The following DMTN variants were observed in gnomAD, a reference collection of about 807,000 sequenced individuals.
DMTN encodes the protein dematin actin binding protein.
Under a neutral mutation model 59.4 loss-of-function variants are expected in DMTN, and 27 were observed. The observed-to-expected ratio is 0.45, with a 90% CI of 0.33 to 0.63. The LOEUF (loss-of-function observed/expected upper bound fraction) is 0.63. Ranked by LOEUF, DMTN falls within the 20% of genes least tolerant of loss-of-function variation. DMTN has a pLI of 0.02. For missense variants in DMTN, 451 were observed against 528.9 expected, an observed-to-expected ratio of 0.85 and a Z score of 1.45; for synonymous variants, 221 against 203.7, an observed-to-expected ratio of 1.08 and a Z score of -0.72.
chr8:22,049,913 A>C (rs1801170236), upstream of DMTN, among the ~76,000 whole-genome samples: 1 of 152,144 alleles, frequency 6.6e-6, no homozygotes, highest in Non-Finnish European at 1.5e-5. Context: ...CGTCCAGTGA[A>C]AATGGGAGGT....
intron 3 of DMTN, 126 bp from the exon 4 acceptor site, chr8:22,067,401 A>G (rs1811639058): frequency 7.2e-7 from 1 of 1,384,086 alleles, no homozygotes; most frequent in Non-Finnish European, 9.8e-7. Flanking sequence ...TTCTTAAAAT[A>G]ATAGAATTGT....
At chr8:22,050,604 T>G (rs1371908721), upstream of DMTN, among the ~76,000 whole-genome samples, 3 of 151,914 alleles carry the variant, frequency 2.0e-5, no homozygotes, top group Non-Finnish European at 4.4e-5. Context: ...CCTCACTGTT[T>G]TCTTTCTTGC....
At chr8:22,052,588 A>G (rs1423735565), upstream of DMTN, among the ~76,000 whole-genome samples, 3 of 152,216 alleles carry the variant, frequency 2.0e-5, no homozygotes, top group African/African-American at 4.8e-5. Flanking sequence ...TTGAAATTTA[A>G]TTGGAGGGAT....
At position 22,081,471 on chromosome 8, in the gene DMTN, C is replaced by G; in HGVS notation, c.*8C>G. The stretch of plus-strand genomic sequence containing the variant: ...AAGGCCTCTCTCTTCTGATGGCCCC[C>G]ACCTGCTCCGGGACGGCCCCCTTAC... On this transcript the variant is annotated 3_prime_UTR_variant, in exon 16 of 16. Transcript: ENST00000358242. The G allele has an allele frequency of 6.2e-7, 1 of 1,613,284 alleles. No homozygotes were observed. Among genetic ancestry groups the G allele is most frequent in the South Asian group, 1.1e-5 (1 of 91,056 alleles).
intron 1 of DMTN, among the ~76,000 whole-genome samples, chr8:22,061,681 A>G (rs1806619530): frequency 1.3e-5 from 2 of 151,538 alleles, no homozygotes; most frequent in Non-Finnish European, 2.9e-5. Context: ...GCAGCTGCAC[A>G]TGCTCCTCAG....
rs978840872 is a variant in DMTN, at chr8:22,058,229, G to A, written c.-172+1093G>A. Among the ~76,000 whole-genome samples the A allele has an allele frequency of 1.3e-5, 2 of 152,198 alleles. No individual in the cohort carries two copies. The highest frequency in any genetic ancestry group is 2.4e-5 in the African/African-American group (1 of 41,452). On this transcript the variant is annotated intron_variant, in intron 1 of 15. Transcript: ENST00000358242. This position sits in a 1 kb window ranked among gnomAD's most constrained non-coding sequence, Gnocchi z 4.3. ...TTGTGTCCGTGCTGCCGGCCTCTCT[G>A]TGGTCAGGCGTTAGACTCCTGGGTG... is the stretch of plus-strand genomic sequence containing the variant.
At chr8:22,065,827 C>T (rs1396852645) in intron 1 of DMTN, among the ~76,000 whole-genome samples, 2 of 74,592 alleles carry the variant, frequency 2.7e-5, no homozygotes, top group Non-Finnish European at 4.8e-5. Context: ...AGAGCAAGAC[C>T]TTTTTTTTTT....
chr8:22,081,655 C>A lies in DMTN; in HGVS notation c.*192C>A. On this transcript the variant is annotated 3_prime_UTR_variant, in exon 16 of 16. Coordinates refer to ENST00000358242, the MANE Select transcript of DMTN (RefSeq NM_001387751.1). ...TCTTCCCCCTCACAAGGCTGGGGGC[C>A]TCCTGCTCTCGTCCCTGGCCCTCCC... The A allele has an allele frequency of 1.6e-6, 1 of 612,716 alleles. No individual in the cohort carries two copies. The highest frequency in any genetic ancestry group is 2.9e-6 in the Non-Finnish European group (1 of 343,128). 38.0% of individuals were successfully genotyped at this position (612,716 alleles called of 1,614,324 possible). A position where few individuals can be genotyped will look rare whatever the true frequency, so the allele number is the denominator to read the frequency against.
chr8:22,063,706 T>C (rs1808306075), intron 1 of DMTN, among the ~76,000 whole-genome samples: 1 of 152,186 alleles, frequency 6.6e-6, no homozygotes, highest in Admixed American at 6.5e-5. Context: ...GATCTCAAAC[T>C]GGGCATCTTT....
upstream of DMTN, among the ~76,000 whole-genome samples, chr8:22,049,951 C>T (rs1171072352): frequency 2.0e-5 from 3 of 152,110 alleles, no homozygotes; most frequent in African/African-American, 7.2e-5. Context: ...CAGTTGATGG[C>T]GAGCGCCGGC....
chr8:22,067,534 T>G lies in DMTN; in HGVS notation c.101T>G (p.Met34Arg). The G allele has an allele frequency of 6.2e-7, 1 of 1,614,156 alleles. No individual in the cohort carries two copies. ...GCGCACCTTTCCCTTCAGGCCAAGATGGACAATCAGGTGCTGGGCTACAAG... is the reference window on the plus strand; with the variant it reads ...GCGCACCTTTCCCTTCAGGCCAAGAGGGACAATCAGGTGCTGGGCTACAAG... ...PGSPSSIVAK[M>R]DNQVLGYKDL... Residue 34 changes from methionine (M) to arginine (R), a missense_variant, in exon 4 of 16, where the codon ATG (methionine) becomes AGG (arginine). By Grantham distance (91) the Met-to-Arg change is moderately conservative. Coordinates refer to ENST00000358242, the MANE Select transcript of DMTN (RefSeq NM_001387751.1).
At position 22,079,253 on chromosome 8, in the gene DMTN, TAAAAATAA is replaced by T. The variant is rs1243187649; in HGVS notation, c.836-925_836-918del. On this transcript the variant is annotated intron_variant, in intron 10 of 15. Coordinates refer to ENST00000358242, the MANE Select transcript of DMTN (RefSeq NM_001387751.1). ...AGTGAGGCCTGGTTTCTACAAAAAA[TAAAAATAA>T]ATAAATAAATAAATAAATATATATA... is the stretch of plus-strand genomic sequence containing the variant. Among the ~76,000 whole-genome samples the T allele has an allele frequency of 5.3e-3, 265 of 49,692 alleles. 24 individuals are homozygous for T. The highest frequency in any genetic ancestry group is 0.019 in the Middle Eastern group (2 of 108). 32.6% of individuals were successfully genotyped at this position (49,692 alleles called of 152,430 possible).
chr8:22,069,147 G>T lies in DMTN; in HGVS notation c.294+87G>T. 2.0e-6 allele frequency: 3 copies of T among 1,485,450 alleles called. No homozygotes were observed. In the South Asian group the frequency reaches 3.6e-5, roughly 18 times the overall value. The allele number at this position is 1,485,450 out of a possible 1,614,324, so 92.0% of individuals were successfully genotyped here. A position where few individuals can be genotyped will look rare whatever the true frequency, so the allele number is the denominator to read the frequency against. On this transcript the variant is annotated intron_variant, in intron 5 of 15. Coordinates refer to ENST00000358242, the MANE Select transcript of DMTN (RefSeq NM_001387751.1). ...CCCCTCACACATCAGACCAAGCTCT[G>T]CAGAGCCCAGGGAGTGCCCGAATCA... is the stretch of plus-strand genomic sequence containing the variant.
chr8:22,069,464 G>A lies in DMTN; in HGVS notation c.340G>A (p.Ala114Thr), dbSNP rs550763719. 2.5e-6 allele frequency: 4 copies of A among 1,613,242 alleles called. No individual in the cohort carries two copies. The East Asian group carries it at 8.9e-5, about 36-fold the overall frequency. The change falls in exon 6 of 16, where the codon GCC (alanine) becomes ACC (threonine). Residue 114 changes from alanine (A) to threonine (T), a missense_variant. Ala to Thr is a moderately conservative substitution (Grantham distance 58, BLOSUM62 0). Coordinates refer to ENST00000358242, the MANE Select transcript of DMTN (RefSeq NM_001387751.1). ...RSPGIISQAS[A>T]PRTTGTPRTS... ...GCCTGGAATCATCTCTCAGGCCTCG[G>A]CCCCCAGAACCACTGGAACCCCCCG...
chr8:22,072,945 C>A (rs1456594061), intron 9 of DMTN, among the ~76,000 whole-genome samples: 1 of 152,158 alleles, frequency 6.6e-6, no homozygotes, highest in African/African-American at 2.4e-5. Context: ...CTGGGGGACA[C>A]TACTTGATAT....
At chr8:22,052,447 T>A (rs757674527), upstream of DMTN, among the ~76,000 whole-genome samples, 1 of 152,080 alleles carries the variant, frequency 6.6e-6, no homozygotes, top group Non-Finnish European at 1.5e-5. Flanking sequence ...CCTTCCTTCT[T>A]TAGGCAGACG....
In DMTN at chr8:22,066,903, G is replaced by A. The variant is rs1308077340; in HGVS notation, c.18+10G>A. 1.6e-6 allele frequency: 2 copies of A among 1,257,550 alleles called. No individual in the cohort carries two copies. Among genetic ancestry groups the A allele is most frequent in the East Asian group, 3.3e-5 (1 of 30,690 alleles). 77.9% of individuals were successfully genotyped at this position (1,257,550 alleles called of 1,614,324 possible). On this transcript the variant is annotated intron_variant, in intron 2 of 15. Coordinates refer to ENST00000358242, the MANE Select transcript of DMTN (RefSeq NM_001387751.1). ...GGAACGGCTGCAGAAGGTGCGCGGC[G>A]CCGCCCCGGGCCGGGGCCGCCGAGG...
chr8:22,051,642 G>A (rs867867332), upstream of DMTN, among the ~76,000 whole-genome samples: 3 of 152,074 alleles, frequency 2.0e-5, no homozygotes, highest in South Asian at 2.1e-4. Flanking sequence ...TCTGCTCTCT[G>A]TCTGCCAGCT....
chr8:22,065,381 A>G (rs1274737536), intron 1 of DMTN, among the ~76,000 whole-genome samples: 1 of 152,210 alleles, frequency 6.6e-6, no homozygotes, highest in East Asian at 1.9e-4. Context: ...TCAAGTGCTT[A>G]GCTACATTGG....
Sources: gnomAD v4.1 joint callset for allele counts (sites outside exome capture counted in the v4.1 genomes callset) on GRCh38, gnomAD v4.1.1 for gene constraint, Gnocchi (gnomAD v3.1) non-coding constraint, MANE v1.5 for transcripts, NCBI Gene and HGNC (gene_info 2026-07-23, HGNC 2026-07-21) for gene names.